Variants in PTPRG observed in about 807,000 individuals in gnomAD.
The protein encoded by PTPRG is protein tyrosine phosphatase receptor type G, also known as receptor-type tyrosine-protein phosphatase gamma.
Under a neutral mutation model 165.3 loss-of-function variants are expected in PTPRG, and 102 were observed. The ratio of observed to expected loss-of-function variants is 0.62; its 90% CI spans 0.53 to 0.73. The LOEUF is 0.73. Ranked by LOEUF, PTPRG falls within the 30% of genes least tolerant of loss-of-function variation. The pLI is 0.00. For synonymous variants in PTPRG, 675 were observed against 669.5 expected (o/e 1.01, Z -0.13); for missense variants, 1,866 against 1,861.4 (o/e 1.00, Z -0.05).
intron 8 of PTPRG, among the ~76,000 whole-genome samples, chr3:62,176,060 C>T (rs573863518): frequency 1.4e-5 from 2 of 148,026 alleles, no homozygotes; most frequent in Non-Finnish European, 2.9e-5. Context: ...GGAATAATCA[C>T]AACGTCTATA....
intron 2 of PTPRG, among the ~76,000 whole-genome samples, chr3:61,813,338 A>ATAG (rs2035647459): frequency 6.7e-6 from 1 of 150,344 alleles, no homozygotes; most frequent in African/African-American, 2.4e-5. Context: ...AAAAAAAAAA[A>ATAG]AAAAAAAATA....
intron 26 of PTPRG, among the ~76,000 whole-genome samples, chr3:62,279,879 A>G (rs1702367136): frequency 6.6e-6 from 1 of 152,068 alleles, no homozygotes; most frequent in African/African-American, 2.4e-5. Context: ...AGGCATCCTC[A>G]GGAAAATGCC....
At chr3:61,989,493 A>G in intron 2 of PTPRG, 132 bp from the exon 3 acceptor site, 1 of 812,428 alleles carries the variant, frequency 1.2e-6, no homozygotes, top group Non-Finnish European at 1.9e-6. Flanking sequence ...GCTTTGATTC[A>G]TAGTTTTCAG....
At chr3:61,608,029 A>T (rs1701062249) in intron 1 of PTPRG, among the ~76,000 whole-genome samples, 1 of 152,032 alleles carries the variant, frequency 6.6e-6, no homozygotes, top group Non-Finnish European at 1.5e-5. Context: ...TAATGAATTC[A>T]GCTTTTATTA....
intron 5 of PTPRG, among the ~76,000 whole-genome samples, chr3:62,111,884 C>G (rs1183336844): frequency 6.6e-6 from 1 of 152,148 alleles, no homozygotes; most frequent in Non-Finnish European, 1.5e-5. Flanking sequence ...TCCTCAAAGC[C>G]CTCATCTACG....
chr3:61,562,982 T>A (rs558788125), intron 1 of PTPRG, among the ~76,000 whole-genome samples: 1 of 152,124 alleles, frequency 6.6e-6, no homozygotes, highest in South Asian at 2.1e-4. Flanking sequence ...GGGCAGCACT[T>A]CGGTGCCGGC....
At chr3:62,033,184 C>T (rs1282415083) in intron 4 of PTPRG, among the ~76,000 whole-genome samples, 1 of 152,108 alleles carries the variant, frequency 6.6e-6, no homozygotes, top group African/African-American at 2.4e-5. Context: ...GGCCTTGCCT[C>T]TTCCCACCTC....
chr3:61,844,670 TTC>T (rs2036754723), intron 2 of PTPRG, among the ~76,000 whole-genome samples: 1 of 145,018 alleles, frequency 6.9e-6, no homozygotes, highest in South Asian at 2.1e-4. Context: ...TTTTTTTTTT[TTC>T]CCCCTGTTTG....
At chr3:62,220,582 G>A (rs145715337) in intron 13 of PTPRG, among the ~76,000 whole-genome samples, 147 of 152,268 alleles carry the variant, frequency 9.7e-4, no homozygotes, top group Non-Finnish European at 1.5e-3. Context: ...GGCGTCTGAC[G>A]GTAACCATAA....
rs373838937 is a variant in PTPRG, at chr3:62,191,461, A to T, written c.1034-8A>T. ...AAGCTCCCTGAGCTGAGCCCTGTGT[A>T]TCTTCAGTTTGCAGCTCTCCACCCA... On this transcript the variant is annotated splice_region_variant and splice_polypyrimidine_tract_variant and intron_variant, in intron 8 of 29. Transcript: ENST00000474889. 3.7e-5 allele frequency: 59 copies of T among 1,612,788 alleles called. No individual in the cohort carries two copies. The African/African-American group carries it at 6.5e-4, about 18-fold the overall frequency.
At chr3:61,685,677 C>T (rs966120480) in intron 1 of PTPRG, among the ~76,000 whole-genome samples, 2 of 152,164 alleles carry the variant, frequency 1.3e-5, no homozygotes, top group Admixed American at 6.5e-5. Context: ...CCAAGTTGTA[C>T]CCCTGCTAGG....
chr3:61,766,865 A>G (rs2034035167), intron 2 of PTPRG, among the ~76,000 whole-genome samples: 1 of 151,724 alleles, frequency 6.6e-6, no homozygotes, highest in African/African-American at 2.4e-5. Flanking sequence ...AATGATCTGC[A>G]CACCTTGGCC....
intron 2 of PTPRG, among the ~76,000 whole-genome samples, chr3:61,984,006 T>G (rs559660931): frequency 6.6e-6 from 1 of 152,098 alleles, no homozygotes; most frequent in African/African-American, 2.4e-5. Context: ...TGAAGTGAAG[T>G]CTCAGATTCA....
At chr3:61,636,328 A>G (rs1701908178) in intron 1 of PTPRG, among the ~76,000 whole-genome samples, 1 of 152,190 alleles carries the variant, frequency 6.6e-6, no homozygotes, top group Non-Finnish European at 1.5e-5. Context: ...GCAGTTACCT[A>G]TTTTCGTTAA....
intron 4 of PTPRG, among the ~76,000 whole-genome samples, chr3:62,041,989 C>T (rs952221923): frequency 3.9e-5 from 6 of 152,126 alleles, no homozygotes; most frequent in Non-Finnish European, 5.9e-5. Context: ...ATTAAGCATC[C>T]GTTAAACACC....
chr3:61,811,428 G>A (rs2035572571), intron 2 of PTPRG, among the ~76,000 whole-genome samples: 1 of 152,122 alleles, frequency 6.6e-6, no homozygotes, highest in East Asian at 1.9e-4. Flanking sequence ...CCACAGTATT[G>A]TTGCAGTAGA....
At chr3:62,064,585 T>A (rs1700941698) in intron 4 of PTPRG, among the ~76,000 whole-genome samples, 1 of 152,124 alleles carries the variant, frequency 6.6e-6, no homozygotes, top group Non-Finnish European at 1.5e-5. Flanking sequence ...GGGGCATAGA[T>A]ACTTGAATAT....
chr3:62,152,205 ATTT>A (rs79099891), intron 6 of PTPRG, among the ~76,000 whole-genome samples: 4 of 144,658 alleles, frequency 2.8e-5, no homozygotes, highest in African/African-American at 1.0e-4. Context: ...ATGTCTACTA[ATTT>A]TTTTTTTTTT....
At chr3:61,823,254 C>A (rs975358274) in intron 2 of PTPRG, among the ~76,000 whole-genome samples, 2 of 152,072 alleles carry the variant, frequency 1.3e-5, no homozygotes, top group Non-Finnish European at 2.9e-5. Context: ...GCAGTGGCAC[C>A]ATCTCAGCTT....
Sources: allele counts gnomAD v4.1 joint callset (sites outside exome capture counted in the v4.1 genomes callset), GRCh38; gene constraint gnomAD v4.1.1; transcripts MANE v1.5; gene names NCBI Gene and HGNC (gene_info 2026-07-23, HGNC 2026-07-21).